The following GSDME variants were observed in gnomAD, a reference collection of about 807,000 sequenced individuals.
GSDME encodes the protein gasdermin E, also known as gasdermin-E.
Under a neutral mutation model 47.5 loss-of-function variants are expected in GSDME, and 44 were observed. The observed-to-expected ratio is 0.93, with a 90% CI of 0.73 to 1.19. The LOEUF is 1.19. GSDME is among the 50% of genes most tolerant of loss of function. The pLI is 0.00. For synonymous variants in GSDME, 258 were observed against 252.8 expected, an observed-to-expected ratio of 1.02 and a Z score of -0.20; for missense variants, 663 against 604.2, an observed-to-expected ratio of 1.10 and a Z score of -1.02.
chr7:24,725,987 C>T lies in GSDME; in HGVS notation c.405-6769G>A, dbSNP rs1294301686. Among the ~76,000 whole-genome samples the T allele has an allele frequency of 3.3e-5, 5 of 151,942 alleles. No homozygotes were observed. The highest frequency in any genetic ancestry group is 4.8e-5 in the African/African-American group (2 of 41,348). On this transcript the variant is annotated intron_variant, in intron 3 of 9. Transcript: ENST00000645220. This position sits in a 1 kb window ranked among gnomAD's most constrained non-coding sequence, Gnocchi z 5.1. ...AAGACAGCAGCTACATGATACAGGA[C>T]GAGAGATGGCTGGAAAAGGAGACCA...
At chr7:24,707,648 A>G (rs1584051818) in intron 7 of GSDME, 1 of 357,972 alleles carries the variant, frequency 2.8e-6, no homozygotes, top group Non-Finnish European at 5.4e-6. Flanking sequence ...CCTAAATCCA[A>G]TGATGGTGTC....
chr7:24,774,538 T>C, the GSDME span, among the ~76,000 whole-genome samples: 592 of 151,872 alleles, frequency 3.9e-3, 7 homozygotes, highest in African/African-American at 0.013. Context: ...ATTAATTATA[T>C]ATTTATTTAT....
intron 5 of GSDME, 60 bp from the exon 6 acceptor site, chr7:24,710,448 T>G (rs1223596583): frequency 8.9e-6 from 14 of 1,569,524 alleles, no homozygotes; most frequent in African/African-American, 1.3e-5. Context: ...TGCCAACAAG[T>G]CTGGACAGGG....
At chr7:24,784,940 G>A in the GSDME span, among the ~76,000 whole-genome samples, 1 of 152,040 alleles carries the variant, frequency 6.6e-6, no homozygotes, top group African/African-American at 2.4e-5. Context: ...CCAATCCACT[G>A]ACTCAAATGT....
At position 24,717,242 on chromosome 7, in the gene GSDME, G is replaced by C. The variant is rs756811247; in HGVS notation, c.697+12C>G. On this transcript the variant is annotated intron_variant, in intron 5 of 9. Coordinates refer to ENST00000645220, the MANE Select transcript of GSDME (RefSeq NM_001127453.2). ...TGGGGATCCCTCAGCACCCATAGGA[G>C]GTGGCACTCACCGAACTGGCCGTCC... The C allele has an allele frequency of 2.8e-6, 4 of 1,446,552 alleles. No homozygotes were observed. Among genetic ancestry groups the C allele is most frequent in the East Asian group, 5.4e-5 (2 of 37,316 alleles). 89.6% of individuals were successfully genotyped at this position (1,446,552 alleles called of 1,614,324 possible). A position where few individuals can be genotyped will look rare whatever the true frequency, so the allele number is the denominator to read the frequency against.
chr7:24,710,135 G>T, intron 6 of GSDME, 89 bp downstream of exon 6: 2 of 1,370,064 alleles, frequency 1.5e-6, no homozygotes, highest in Non-Finnish European at 2.1e-6. Context: ...TCACTGAGGG[G>T]TCACTGATGC....
intron 7 of GSDME, among the ~76,000 whole-genome samples, 191 bp from the exon 8 acceptor site, chr7:24,706,567 T>C (rs1326801296): frequency 6.6e-6 from 1 of 152,248 alleles, no homozygotes; most frequent in Admixed American, 6.5e-5. Context: ...GACAGTAAGC[T>C]GAACCTGGCC....
intron 3 of GSDME, among the ~76,000 whole-genome samples, chr7:24,743,157 A>C (rs1460258398): frequency 6.6e-6 from 1 of 152,234 alleles, no homozygotes; most frequent in African/African-American, 2.4e-5. Flanking sequence ...GCAGCTGCCC[A>C]GGCACCCTCA....
upstream of GSDME, chr7:24,757,791 G>C (rs1388027529): frequency 6.6e-6 from 1 of 152,372 alleles, no homozygotes; most frequent in Non-Finnish European, 1.5e-5. This position sits in a 1 kb window ranked among gnomAD's most constrained non-coding sequence, Gnocchi z 5.9. Context: ...CGGGACCGTG[G>C]GGTTTGAGAG....
At chr7:24,723,943 G>A (rs896496026) in intron 3 of GSDME, among the ~76,000 whole-genome samples, 1 of 152,072 alleles carries the variant, frequency 6.6e-6, no homozygotes, top group Non-Finnish European at 1.5e-5. Flanking sequence ...CACTCTCCTC[G>A]TGGCTGCCGC....
At chr7:24,769,734 G>T in the GSDME span, among the ~76,000 whole-genome samples, 9 of 152,258 alleles carry the variant, frequency 5.9e-5, no homozygotes, top group African/African-American at 2.2e-4. Context: ...TGCGAGGCAT[G>T]CTGAAAAGTA....
the GSDME span, among the ~76,000 whole-genome samples, chr7:24,775,239 T>G: frequency 1.3e-5 from 2 of 152,200 alleles, no homozygotes; most frequent in Non-Finnish European, 2.9e-5. Context: ...AGCAAAGACC[T>G]TCTTTCAGAT....
Position 24,710,274 on chromosome 7 carries a change from G to A in GSDME, c.812C>T (p.Ala271Val). 6.2e-7 allele frequency: 1 copy of A among 1,614,218 alleles called. No individual in the cohort carries two copies. Among genetic ancestry groups the A allele is most frequent in the East Asian group, 2.2e-5 (1 of 44,888 alleles). The part of the protein sequence containing the change: ...REFAFIDMPD[A>V]AHGISSQDGP... ...ATCCTGGGAAGATATCCCATGCGCA[G>A]CATCTGGCATGTCTATGAATGCAAA... The change falls in exon 6 of 10, where the codon GCT (alanine) becomes GTT (valine). Residue 271 changes from alanine to valine, a missense_variant. Ala to Val is a moderately conservative substitution (Grantham distance 64). Coordinates refer to ENST00000645220, the MANE Select transcript of GSDME (RefSeq NM_001127453.2).
the GSDME span, among the ~76,000 whole-genome samples, chr7:24,768,546 G>T: frequency 6.6e-6 from 1 of 152,130 alleles, no homozygotes; most frequent in Non-Finnish European, 1.5e-5. This position sits in a 1 kb window ranked among gnomAD's most constrained non-coding sequence, Gnocchi z 5.6. Context: ...TAGCCAAATG[G>T]ATTGTTATCT....
intron 3 of GSDME, among the ~76,000 whole-genome samples, chr7:24,727,012 C>T (rs1789991729): frequency 6.6e-6 from 1 of 152,164 alleles, no homozygotes; most frequent in African/African-American, 2.4e-5. Flanking sequence ...TTTATTTTCA[C>T]CTTGATTAAT....
Position 24,727,815 on chromosome 7 carries a change from C to T in GSDME, c.405-8597G>A, listed in dbSNP as rs1790018799. On this transcript the variant is annotated intron_variant, in intron 3 of 9. Transcript: ENST00000645220. ...CTCCTTCATCTGCCGATTTCCCCTC[C>T]AAGGGAGGCTCCATTCACCCTTTTC... Among the ~76,000 whole-genome samples the T allele has an allele frequency of 3.3e-5, 5 of 152,242 alleles. No individual in the cohort carries two copies. In the South Asian group the frequency reaches 1.0e-3, roughly 31 times the overall value.
the GSDME span, among the ~76,000 whole-genome samples, chr7:24,793,790 T>C: frequency 7.8e-4 from 119 of 152,188 alleles, 1 homozygote; most frequent in Middle Eastern, 0.01. Context: ...TTTTCTTTTT[T>C]TTTTTTTTTA....
chr7:24,771,759 A>T, the GSDME span, among the ~76,000 whole-genome samples: 1 of 152,162 alleles, frequency 6.6e-6, no homozygotes, highest in Non-Finnish European at 1.5e-5. The surrounding 1 kb of genome is among the most constrained non-coding windows in gnomAD (Gnocchi z 4.1). Context: ...TGCCTGCAAA[A>T]CTGCTCCCGT....
In GSDME at chr7:24,733,637, T is replaced by C. The variant is rs1329400714; in HGVS notation, c.404+10925A>G. Reference sequence around the variant, plus strand: ...CCTTAAGTGAATATGGGTGGTGGCCTGGCAGTGCTCCTTGTGGGCCTGTAG... The same window carrying C: ...CCTTAAGTGAATATGGGTGGTGGCCCGGCAGTGCTCCTTGTGGGCCTGTAG... On this transcript the variant is annotated intron_variant, in intron 3 of 9. Transcript: ENST00000645220. The surrounding 1 kb of genome is among the most constrained non-coding windows in gnomAD (Gnocchi z 4.3). Among the ~76,000 whole-genome samples the C allele has an allele frequency of 6.6e-6, 1 of 152,108 alleles. No individual in the cohort carries two copies. Among genetic ancestry groups the C allele is most frequent in the East Asian group, 1.9e-4 (1 of 5,186 alleles).
Sources: allele counts gnomAD v4.1 joint callset (sites outside exome capture counted in the v4.1 genomes callset), GRCh38; gene constraint gnomAD v4.1.1; non-coding constraint Gnocchi (gnomAD v3.1); transcripts MANE v1.5; gene names NCBI Gene and HGNC (gene_info 2026-07-23, HGNC 2026-07-21).